OTUD7A: variants seen among roughly 807,000 people sequenced by gnomAD.
The protein encoded by OTUD7A is OTU domain-containing protein 7A.
In OTUD7A, 12 loss-of-function variants were observed where a neutral mutation model predicts 65.7. The observed-to-expected ratio is 0.18, with a 90% confidence interval of 0.12 to 0.30. The LOEUF is 0.30. Among genes scored for constraint, OTUD7A ranks in the 10% least tolerant of loss-of-function variants. The pLI is 1.00. For synonymous variants in OTUD7A, 641 were observed against 586.3 expected (o/e 1.09, Z -1.35); for missense variants, 1,148 against 1,304.8 (o/e 0.88, Z 1.85).
intron 1 of OTUD7A, among the ~76,000 whole-genome samples, chr15:31,811,856 C>G (rs1896426060): frequency 6.6e-6 from 1 of 152,222 alleles, no homozygotes. Context: ...TTCCTATCAG[C>G]CTTTCAGAGC....
intron 1 of OTUD7A, among the ~76,000 whole-genome samples, chr15:31,838,523 A>G (rs1234729678): frequency 1.3e-5 from 2 of 152,130 alleles, no homozygotes; most frequent in African/African-American, 4.8e-5. Flanking sequence ...CTAAGCTGCC[A>G]CATCTCTCTC....
At chr15:31,507,292 GTTATA>G in intron 8 of OTUD7A, among the ~76,000 whole-genome samples, 1 of 152,176 alleles carries the variant, frequency 6.6e-6, no homozygotes, top group East Asian at 1.9e-4. Context: ...GAAGGACAGG[GTTATA>G]TTGAGAAGGT....
chr15:31,792,202 T>C (rs945785417), intron 1 of OTUD7A, among the ~76,000 whole-genome samples: 4 of 152,234 alleles, frequency 2.6e-5, no homozygotes, highest in Admixed American at 1.3e-4. Flanking sequence ...TCTGCCACTT[T>C]ATTTACTTCA....
rs146701683 is a variant in OTUD7A at position 31,574,162 on chromosome 15, G to C, written c.152-3965C>G. Among the ~76,000 whole-genome samples the C allele has an allele frequency of 2.0e-5, 3 of 152,154 alleles. No individual in the cohort carries two copies. The East Asian group carries it at 5.8e-4, about 29-fold the overall frequency. On this transcript the variant is annotated intron_variant, in intron 3 of 12. Coordinates refer to ENST00000307050, the MANE Select transcript of OTUD7A (RefSeq NM_001382637.1). ...TAAAGGCAAACTTATATAACCACTA[G>C]TTATAAACATAATTGTATTGTTATA...
chr15:31,518,856 A>G (rs2041899981), intron 8 of OTUD7A, among the ~76,000 whole-genome samples: 1 of 152,258 alleles, frequency 6.6e-6, no homozygotes, highest in Admixed American at 6.5e-5. Context: ...CTGCCCAGAC[A>G]GGCACCTTTT....
At chr15:31,514,053 C>T (rs201156323) in intron 8 of OTUD7A, among the ~76,000 whole-genome samples, 2 of 45,390 alleles carry the variant, frequency 4.4e-5, no homozygotes, top group Non-Finnish European at 9.3e-5. Flanking sequence ...TTCTTTCTTT[C>T]TTTCTTTTTT....
At chr15:31,596,127 G>C (rs1381157673) in intron 3 of OTUD7A, among the ~76,000 whole-genome samples, 2 of 152,120 alleles carry the variant, frequency 1.3e-5, no homozygotes, top group Admixed American at 6.5e-5. Context: ...GTGGTAACCA[G>C]AGCAGTGTTT....
chr15:31,587,375 C>T (rs1456998904), intron 3 of OTUD7A, among the ~76,000 whole-genome samples: 4 of 152,062 alleles, frequency 2.6e-5, no homozygotes, highest in East Asian at 1.9e-4. Flanking sequence ...CGGTGGCTCA[C>T]GCCTGTAATC....
rs1213345956 is a variant in OTUD7A at position 31,814,036 on chromosome 15, T to C, written c.-100+56471A>G. Among the ~76,000 whole-genome samples, 4 of 152,240 alleles carry C rather than the reference T, an allele frequency of 2.6e-5. No homozygotes were observed. In the East Asian group the frequency reaches 5.8e-4, roughly 22 times the overall value. ...AAGAAACGGTGAGAGCATCAATCCA[T>C]GTAGACTAGGTCACCATGGGGTAAC... On this transcript the variant is annotated intron_variant, in intron 1 of 12. Transcript: ENST00000307050.
intron 3 of OTUD7A, among the ~76,000 whole-genome samples, chr15:31,591,662 T>C (rs1889727921): frequency 6.6e-6 from 1 of 152,172 alleles, no homozygotes; most frequent in African/African-American, 2.4e-5. Flanking sequence ...CAATTCCTTA[T>C]AATAGGTCTG....
At chr15:31,634,724 G>A (rs11638348) in intron 3 of OTUD7A, among the ~76,000 whole-genome samples, 35,457 of 152,224 alleles carry the variant, frequency 0.23, 5,310 homozygotes, top group East Asian at 0.66. Context: ...ATGGAGTCCC[G>A]TTCCCCTGTG....
In OTUD7A at chr15:31,483,697, G is replaced by T. The variant is rs112910059; in HGVS notation, c.2399C>A (p.Pro800Gln). 1.7e-6 allele frequency: 2 copies of T among 1,154,586 alleles called. No individual in the cohort carries two copies. The highest frequency in any genetic ancestry group is 2.1e-6 in the Non-Finnish European group (2 of 939,734). 71.5% of individuals were successfully genotyped at this position (1,154,586 alleles called of 1,614,324 possible). The change falls in exon 13 of 13, where the codon CCG becomes CAG. Residue 800 changes from proline to glutamine, a missense_variant. Pro to Gln is a moderately conservative substitution (Grantham distance 76, BLOSUM62 -1). This residue lies in a region of OTUD7A where 842 missense variants were observed against 769.5 expected (regional missense o/e 1.09). Transcript: ENST00000307050. ...ACAPAVGALR[P>Q]CATYPQQNRS... is the part of the protein sequence containing the mutation. ...GTTCTGCTGCGGGTACGTGGCGCAC[G>T]GCCGCAGCGCCCCCACGGCCGGCGC...
At chr15:31,823,888 T>A (rs1374270414) in intron 1 of OTUD7A, among the ~76,000 whole-genome samples, 5 of 152,142 alleles carry the variant, frequency 3.3e-5, no homozygotes, top group Non-Finnish European at 7.4e-5. Context: ...AACTTAAAAA[T>A]AAGAAACAGT....
chr15:31,763,671 TAG>T (rs1333422665), intron 1 of OTUD7A, among the ~76,000 whole-genome samples: 1 of 152,126 alleles, frequency 6.6e-6, no homozygotes, highest in Non-Finnish European at 1.5e-5. Context: ...GACAAATTTA[TAG>T]ATTTAAGACA....
intron 3 of OTUD7A, among the ~76,000 whole-genome samples, chr15:31,591,110 C>T (rs754714194): frequency 8.6e-5 from 13 of 152,012 alleles, no homozygotes; most frequent in Admixed American, 2.6e-4. Context: ...GGAAGCTTCC[C>T]GGGAGAGGAA....
In OTUD7A at chr15:31,547,237, CAA is replaced by C. The variant is rs761365045; in HGVS notation, c.550+11730_550+11731del. Among the ~76,000 whole-genome samples the C allele has an allele frequency of 1.4e-4, 21 of 147,236 alleles. No homozygotes were observed. In the East Asian group the frequency reaches 2.5e-3, roughly 17 times the overall value. ...CTCATTTTATTTTTTCCATAAAATG[CAA>C]AAGAGTATGTCTGAAATATTTAAGG... On this transcript the variant is annotated intron_variant, in intron 5 of 12. Coordinates refer to ENST00000307050, the MANE Select transcript of OTUD7A (RefSeq NM_001382637.1).
At chr15:31,660,989 T>C (rs1374421100) in intron 1 of OTUD7A, among the ~76,000 whole-genome samples, 5 of 152,228 alleles carry the variant, frequency 3.3e-5, no homozygotes, top group Non-Finnish European at 5.9e-5. Context: ...TGCCGCGGGC[T>C]GGACACCCAA....
chr15:31,785,605 C>T (rs1895652155), intron 1 of OTUD7A, among the ~76,000 whole-genome samples: 1 of 152,176 alleles, frequency 6.6e-6, no homozygotes, highest in African/African-American at 2.4e-5. Flanking sequence ...CCCCCCAAAA[C>T]TTGATGCCTT....
At chr15:31,553,896 T>A (rs1035974410) in intron 5 of OTUD7A, among the ~76,000 whole-genome samples, 1 of 152,058 alleles carries the variant, frequency 6.6e-6, no homozygotes, top group Non-Finnish European at 1.5e-5. Flanking sequence ...ATCTGTCAGA[T>A]GTGAATCAAG....
Sources: gnomAD v4.1 joint callset for allele counts (sites outside exome capture counted in the v4.1 genomes callset) on GRCh38, gnomAD v4.1.1 for gene constraint, gnomAD v4.1.1 regional missense constraint, MANE v1.5 for transcripts, NCBI Gene and HGNC (gene_info 2026-07-23, HGNC 2026-07-21) for gene names.